Variants in STXBP4 observed in about 807,000 individuals in gnomAD.
STXBP4 encodes syntaxin binding protein 4.
Under a neutral mutation model 76.1 loss-of-function variants are expected in STXBP4, and 55 were observed. The ratio of observed to expected loss-of-function variants is 0.72; its 90% confidence interval spans 0.58 to 0.91. STXBP4 has a LOEUF of 0.91. Ranked by LOEUF, STXBP4 falls within the 40% of genes least tolerant of loss-of-function variation. The pLI, the probability that STXBP4 is intolerant of heterozygous loss-of-function variation, is 0.00. For synonymous variants in STXBP4, 201 were observed against 220.2 expected, an observed-to-expected ratio of 0.91 and a Z score of 0.77; for missense variants, 618 against 636.9, an observed-to-expected ratio of 0.97 and a Z score of 0.32.
chr17:55,209,647 CT>C, the STXBP4 span, among the ~76,000 whole-genome samples: 79 of 152,206 alleles, frequency 5.2e-4, no homozygotes, highest in Non-Finnish European at 7.3e-5. Context: ...TCCACCTGTT[CT>C]GGATAAGGGC....
At chr17:54,995,390 A>T (rs890571131) in intron 4 of STXBP4, among the ~76,000 whole-genome samples, 5 of 152,300 alleles carry the variant, frequency 3.3e-5, no homozygotes, top group Admixed American at 3.3e-4. Flanking sequence ...AGAAATCAAA[A>T]TCCTCTCTTC....
chr17:55,207,542 C>T, the STXBP4 span, among the ~76,000 whole-genome samples: 3 of 152,198 alleles, frequency 2.0e-5, no homozygotes, highest in Non-Finnish European at 1.5e-5. Context: ...TACAAATTCC[C>T]TTCAAATACT....
At chr17:55,111,158 C>T (rs1408727581) in intron 16 of STXBP4, among the ~76,000 whole-genome samples, 1 of 152,162 alleles carries the variant, frequency 6.6e-6, no homozygotes, top group Non-Finnish European at 1.5e-5. Context: ...AGTCTATTCT[C>T]TAGTAGCCTT....
chr17:55,140,560 G>T (rs1166661845), intron 16 of STXBP4, among the ~76,000 whole-genome samples: 1 of 152,100 alleles, frequency 6.6e-6, no homozygotes, highest in Non-Finnish European at 1.5e-5. Flanking sequence ...AAATCAGAAT[G>T]TAGGAGAATG....
intron 16 of STXBP4, among the ~76,000 whole-genome samples, chr17:55,101,021 T>G (rs756074216): frequency 1.3e-5 from 2 of 152,168 alleles, no homozygotes; most frequent in Non-Finnish European, 2.9e-5. Context: ...TATGAGATCC[T>G]AAGCAGAGGA....
At chr17:55,210,595 T>C in the STXBP4 span, among the ~76,000 whole-genome samples, 3 of 152,202 alleles carry the variant, frequency 2.0e-5, no homozygotes, top group East Asian at 1.9e-4. Flanking sequence ...CATTAGAGTA[T>C]AAAATCATAA....
At chr17:55,113,042 A>G (rs896259483) in intron 16 of STXBP4, among the ~76,000 whole-genome samples, 4 of 152,190 alleles carry the variant, frequency 2.6e-5, no homozygotes, top group African/African-American at 7.2e-5. Context: ...TTGAATGTCA[A>G]TTTAATCTTT....
intron 16 of STXBP4, among the ~76,000 whole-genome samples, chr17:55,090,412 C>G (rs2079396138): frequency 6.6e-6 from 1 of 152,026 alleles, no homozygotes; most frequent in East Asian, 1.9e-4. Context: ...ACTTTTCACC[C>G]CACTCAGACT....
chr17:55,031,231 C>A lies in STXBP4; in HGVS notation c.730C>A (p.Gln244Lys). 1 of 1,613,194 alleles carries A rather than the reference C, an allele frequency of 6.2e-7. No homozygotes were observed. The highest frequency in any genetic ancestry group is 1.1e-5 in the South Asian group (1 of 91,034). The change falls in exon 9 of 18, where the codon CAA becomes AAA. Residue 244 changes from glutamine to lysine, a missense_variant. Physicochemically the swap from Gln to Lys is moderately conservative, Grantham distance 53 (BLOSUM62 1). Coordinates refer to ENST00000376352, the MANE Select transcript of STXBP4 (RefSeq NM_178509.6). Reference protein sequence around the residue: ...EQHQALRQQVQADSKGTVSFG... With the variant: ...EQHQALRQQVKADSKGTVSFG... ...ACACCAAGCCCTGAGACAGCAAGTA[C>A]AAGCAGACTCAAAAGGGACAGTGTC...
At chr17:55,181,760 T>C in the STXBP4 span, among the ~76,000 whole-genome samples, 1 of 152,168 alleles carries the variant, frequency 6.6e-6, no homozygotes, top group Non-Finnish European at 1.5e-5. Flanking sequence ...AGTTAAACAT[T>C]TGAGCCTATT....
At chr17:55,065,384 T>A (rs927541414) in intron 12 of STXBP4, among the ~76,000 whole-genome samples, 1 of 152,190 alleles carries the variant, frequency 6.6e-6, no homozygotes, top group African/African-American at 2.4e-5. Flanking sequence ...GAAATTTTGA[T>A]TCCAATTTAA....
chr17:55,030,558 A>G (rs1484777), intron 8 of STXBP4, among the ~76,000 whole-genome samples: 3,193 of 152,326 alleles, frequency 0.021, 87 homozygotes, highest in East Asian at 0.15. Context: ...ACTAAGGAGC[A>G]AGGAGAGAAT....
chr17:55,004,911 A>G (rs1248701145), intron 7 of STXBP4, among the ~76,000 whole-genome samples: 1 of 152,154 alleles, frequency 6.6e-6, no homozygotes, highest in Non-Finnish European at 1.5e-5. Context: ...GGATAGAGAG[A>G]TGTCATTGGC....
intron 8 of STXBP4, among the ~76,000 whole-genome samples, chr17:55,014,029 G>T (rs1247785937): frequency 6.6e-6 from 1 of 152,156 alleles, no homozygotes; most frequent in Non-Finnish European, 1.5e-5. Context: ...CTGAGATCTT[G>T]CACTAACCTC....
intron 1 of STXBP4, among the ~76,000 whole-genome samples, chr17:54,972,588 T>C (rs1336190600): frequency 6.6e-6 from 1 of 152,246 alleles, no homozygotes; most frequent in African/African-American, 2.4e-5. Flanking sequence ...CATTCTTTCA[T>C]CACTTCCTTA....
At chr17:55,072,173 G>A (rs927454180) in intron 12 of STXBP4, among the ~76,000 whole-genome samples, 1 of 152,110 alleles carries the variant, frequency 6.6e-6, no homozygotes, top group Non-Finnish European at 1.5e-5. Context: ...TTCAGATTCT[G>A]GCACTGCTGT....
chr17:55,146,640 C>T (rs572651890), intron 17 of STXBP4, among the ~76,000 whole-genome samples: 2 of 152,122 alleles, frequency 1.3e-5, no homozygotes, highest in Non-Finnish European at 2.9e-5. Context: ...TGTTGTGTAC[C>T]CGGGAGGCGG....
At chr17:55,187,478 A>C in the STXBP4 span, among the ~76,000 whole-genome samples, 1 of 152,076 alleles carries the variant, frequency 6.6e-6, no homozygotes, top group Non-Finnish European at 1.5e-5. Flanking sequence ...CCATTCTTAG[A>C]ATGCCAAAGA....
intron 12 of STXBP4, among the ~76,000 whole-genome samples, chr17:55,068,679 G>T (rs1275625563): frequency 6.6e-6 from 1 of 151,978 alleles, no homozygotes; most frequent in African/African-American, 2.4e-5. Context: ...AAGAGGAAAA[G>T]GAAAAAATTG....
Sources: gnomAD v4.1 joint callset for allele counts (sites outside exome capture counted in the v4.1 genomes callset) on GRCh38, gnomAD v4.1.1 for gene constraint, MANE v1.5 for transcripts, NCBI Gene and HGNC (gene_info 2026-07-23, HGNC 2026-07-21) for gene names.